SLC39A11: variants seen among roughly 807,000 people sequenced by gnomAD.
SLC39A11 encodes zinc transporter ZIP11.
A neutral mutation model predicts 36.1 loss-of-function variants in SLC39A11; 33 were observed. The observed-to-expected ratio is 0.91, with a 90% CI of 0.69 to 1.22. The LOEUF (loss-of-function observed/expected upper bound fraction) is 1.22, where lower values mean the gene tolerates loss of function less well. Ranked by LOEUF, SLC39A11 falls within the 50% of genes most tolerant of loss-of-function variation. The probability of loss-of-function intolerance (pLI) is 0.00; values close to 1 mark genes in which losing one functional copy is unlikely to be tolerated. For synonymous variants in SLC39A11, 166 were observed against 170.3 expected, an observed-to-expected ratio of 0.97 and a Z score of 0.20; for missense variants, 432 against 430.3, an observed-to-expected ratio of 1.00 and a Z score of -0.03.
chr17:72,743,804 C>T (rs371249399), intron 6 of SLC39A11, among the ~76,000 whole-genome samples: 1 of 152,196 alleles, frequency 6.6e-6, no homozygotes, highest in African/African-American at 2.4e-5. Flanking sequence ...CAGTGTCCCA[C>T]CTCGAGTGCA....
chr17:72,962,559 TGAA>T (rs989050915), intron 4 of SLC39A11, among the ~76,000 whole-genome samples: 4 of 152,082 alleles, frequency 2.6e-5, no homozygotes, highest in Non-Finnish European at 5.9e-5. Context: ...TTTTCTGAGA[TGAA>T]GTCTTGCTCT....
intron 5 of SLC39A11, among the ~76,000 whole-genome samples, chr17:72,946,554 A>G (rs1480758194): frequency 6.6e-6 from 1 of 152,172 alleles, no homozygotes; most frequent in Admixed American, 6.5e-5. Context: ...TCTCCCTGAA[A>G]TCACTCCTGT....
At chr17:72,760,675 C>T (rs927361901) in intron 6 of SLC39A11, among the ~76,000 whole-genome samples, 2 of 152,224 alleles carry the variant, frequency 1.3e-5, no homozygotes, top group South Asian at 2.1e-4. Context: ...ATGGTAAACA[C>T]AGAAGGCATC....
intron 4 of SLC39A11, among the ~76,000 whole-genome samples, chr17:72,979,878 G>A (rs554223361): frequency 3.3e-5 from 5 of 152,102 alleles, no homozygotes; most frequent in South Asian, 2.1e-4. Context: ...TCCCCAAAGC[G>A]GCAAGCACCC....
In SLC39A11 at chr17:72,712,560, C is replaced by T. The variant is rs1361740904; in HGVS notation, c.671+24090G>A. On this transcript the variant is annotated intron_variant, in intron 7 of 9. Transcript: ENST00000255559. Reference sequence around the variant, plus strand: ...TGGATCCACCTAAAATTTTGGATGGCCTTACCAGAAAGCAGTGTTTGTGAG... The same window carrying T: ...TGGATCCACCTAAAATTTTGGATGGTCTTACCAGAAAGCAGTGTTTGTGAG... 3.3e-5 allele frequency among the ~76,000 whole-genome samples: 5 copies of T among 152,176 alleles called. No individual in the cohort carries two copies. The East Asian group carries it at 7.7e-4, about 24-fold the overall frequency.
At chr17:73,050,462 C>CTTTTTTTT (rs558193911) in intron 3 of SLC39A11, among the ~76,000 whole-genome samples, 29 of 124,316 alleles carry the variant, frequency 2.3e-4, no homozygotes, top group African/African-American at 8.5e-4. Flanking sequence ...TGTGAACTGA[C>CTTTTTTTT]TTTTTTTTTT....
chr17:72,828,980 G>T (rs1318681093), intron 6 of SLC39A11, among the ~76,000 whole-genome samples: 1 of 152,178 alleles, frequency 6.6e-6, no homozygotes, highest in Admixed American at 6.5e-5. Context: ...TGGCGTGAAA[G>T]CACATTTCTA....
chr17:72,757,947 G>A (rs1461620324), intron 6 of SLC39A11, among the ~76,000 whole-genome samples: 1 of 152,080 alleles, frequency 6.6e-6, no homozygotes, highest in Non-Finnish European at 1.5e-5. Context: ...GTGCAGTGGC[G>A]TGATCTCGGC....
chr17:72,729,279 C>T (rs1268336230), intron 7 of SLC39A11, among the ~76,000 whole-genome samples: 1 of 147,792 alleles, frequency 6.8e-6, no homozygotes, highest in African/African-American at 2.5e-5. Flanking sequence ...CTCTATTGCC[C>T]AGGATGGAGT....
intron 4 of SLC39A11, among the ~76,000 whole-genome samples, chr17:73,000,166 C>G (rs990332410): frequency 4.6e-5 from 7 of 152,126 alleles, no homozygotes; most frequent in Non-Finnish European, 1.5e-5. Flanking sequence ...CCAGATGCAC[C>G]GGGATAGTCA....
At chr17:72,740,962 C>T (rs1248531420) in intron 6 of SLC39A11, among the ~76,000 whole-genome samples, 15 of 151,914 alleles carry the variant, frequency 9.9e-5, no homozygotes, top group Non-Finnish European at 1.5e-5. Context: ...TTAGTAGAGA[C>T]GGGGTTTCTC....
At chr17:72,848,870 G>A (rs574697984) in intron 6 of SLC39A11, among the ~76,000 whole-genome samples, 4 of 152,194 alleles carry the variant, frequency 2.6e-5, no homozygotes, top group Admixed American at 6.5e-5. Flanking sequence ...CTTGACCCTC[G>A]AACAATGCAG....
chr17:72,871,431 T>TG (rs891371970), intron 5 of SLC39A11, among the ~76,000 whole-genome samples: 5 of 152,010 alleles, frequency 3.3e-5, no homozygotes, highest in African/African-American at 9.7e-5. Context: ...CCCTTAAGGA[T>TG]GGGGGGCGCT....
intron 7 of SLC39A11, among the ~76,000 whole-genome samples, chr17:72,690,301 A>G (rs1490766333): frequency 6.6e-6 from 1 of 152,176 alleles, no homozygotes; most frequent in Non-Finnish European, 1.5e-5. Context: ...TCCCAGGGGG[A>G]CGTCCTGGTG....
At chr17:73,090,528 C>T (rs1453149348) in intron 1 of SLC39A11, among the ~76,000 whole-genome samples, 2 of 152,326 alleles carry the variant, frequency 1.3e-5, no homozygotes, top group South Asian at 2.1e-4. Flanking sequence ...TCATCTATTC[C>T]GAGTTGCTGT....
At chr17:72,791,595 T>C (rs74801730) in intron 6 of SLC39A11, among the ~76,000 whole-genome samples, 9,371 of 152,284 alleles carry the variant, frequency 0.062, 419 homozygotes, top group African/African-American at 0.12. Flanking sequence ...TCAATGCTCA[T>C]GGCAAACCTG....
At chr17:72,771,751 G>A (rs1056263449) in intron 6 of SLC39A11, among the ~76,000 whole-genome samples, 1 of 152,214 alleles carries the variant, frequency 6.6e-6, no homozygotes, top group African/African-American at 2.4e-5. Context: ...GATTTACAAA[G>A]AAATGATTTT....
intron 6 of SLC39A11, among the ~76,000 whole-genome samples, chr17:72,785,538 A>G (rs1278381526): frequency 6.6e-6 from 1 of 152,210 alleles, no homozygotes; most frequent in Admixed American, 6.5e-5. Context: ...TCATGATGTC[A>G]CTTGAGCTCA....
chr17:73,000,308 C>G (rs1323785081), intron 4 of SLC39A11, among the ~76,000 whole-genome samples: 1 of 150,934 alleles, frequency 6.6e-6, no homozygotes, highest in Non-Finnish European at 1.5e-5. Flanking sequence ...CTCTCTCTCT[C>G]TCAATCCCTC....
Sources: gnomAD v4.1 joint callset for allele counts (sites outside exome capture counted in the v4.1 genomes callset) on GRCh38, gnomAD v4.1.1 for gene constraint, MANE v1.5 for transcripts, NCBI Gene and HGNC (gene_info 2026-07-23, HGNC 2026-07-21) for gene names.